Variants in ASRGL1 observed in about 807,000 individuals in gnomAD.
ASRGL1 encodes the protein asparaginase and isoaspartyl peptidase 1, also known as isoaspartyl peptidase/L-asparaginase.
ASRGL1 carries 16 observed loss-of-function variants against 22.4 expected under a neutral mutation model. The observed-to-expected ratio is 0.71, with a 90% CI of 0.48 to 1.08. The LOEUF is 1.08. ASRGL1 is among the 50% of genes least tolerant of loss of function. ASRGL1 has a pLI of 0.00. For synonymous variants in ASRGL1, 165 were observed against 159.3 expected, an observed-to-expected ratio of 1.04 and a Z score of -0.27; for missense variants, 412 against 410.1, an observed-to-expected ratio of 1.00 and a Z score of -0.04.
At chr11:62,350,375 A>G (rs947077248) in intron 2 of ASRGL1, among the ~76,000 whole-genome samples, 1 of 152,194 alleles carries the variant, frequency 6.6e-6, no homozygotes, top group East Asian at 1.9e-4. Context: ...TGGGACTATT[A>G]CAAATAAAGC....
intron 4 of ASRGL1, chr11:62,383,236 T>G (rs2134687540): frequency 6.6e-6 from 1 of 152,300 alleles, no homozygotes; most frequent in South Asian, 2.1e-4. Flanking sequence ...AATTAAAAAC[T>G]TGCTAAAAAC....
intron 2 of ASRGL1, among the ~76,000 whole-genome samples, chr11:62,355,775 G>A (rs1184065617): frequency 4.6e-5 from 7 of 152,068 alleles, no homozygotes; most frequent in Non-Finnish European, 7.4e-5. Context: ...GCGGCCTTCC[G>A]CAGTGTTTGT....
intron 5 of ASRGL1, among the ~76,000 whole-genome samples, chr11:62,391,042 T>C (rs1229295368): frequency 6.6e-6 from 1 of 152,234 alleles, no homozygotes; most frequent in Non-Finnish European, 1.5e-5. Flanking sequence ...GGTCCAATTA[T>C]GCCCACCCTC....
At chr11:62,389,775 G>A (rs189056744) in intron 5 of ASRGL1, 10 of 231,898 alleles carry the variant, frequency 4.3e-5, no homozygotes, top group Non-Finnish European at 8.6e-5. Flanking sequence ...GAGAGGCAGG[G>A]CTGGGGGGCT....
downstream of ASRGL1, among the ~76,000 whole-genome samples, chr11:62,394,188 ATAC>A (rs1486553436): frequency 2.2e-5 from 3 of 135,988 alleles, no homozygotes; most frequent in East Asian, 2.0e-4. Context: ...ATAAATATAT[ATAC>A]TATTATATAT....
At chr11:62,374,959 G>A (rs1211385676) in intron 4 of ASRGL1, among the ~76,000 whole-genome samples, 4 of 152,042 alleles carry the variant, frequency 2.6e-5, no homozygotes, top group African/African-American at 9.7e-5. Flanking sequence ...AACCCTTGAG[G>A]TCTCTCCTTT....
At chr11:62,378,703 A>G (rs1357437068) in intron 4 of ASRGL1, among the ~76,000 whole-genome samples, 2 of 152,144 alleles carry the variant, frequency 1.3e-5, no homozygotes, top group East Asian at 1.9e-4. Flanking sequence ...TTGAATTACA[A>G]ACACAGGAGA....
intron 4 of ASRGL1, among the ~76,000 whole-genome samples, chr11:62,365,979 G>A (rs905443336): frequency 6.6e-6 from 1 of 150,430 alleles, no homozygotes; most frequent in African/African-American, 2.5e-5. Context: ...AACATTCATG[G>A]CTGGGTGTGG....
intron 2 of ASRGL1, among the ~76,000 whole-genome samples, chr11:62,352,445 G>T (rs532135297): frequency 6.6e-6 from 1 of 152,094 alleles, no homozygotes; most frequent in African/African-American, 2.4e-5. Flanking sequence ...AATTAGCCGG[G>T]TATGGTGGCG....
intron 4 of ASRGL1, among the ~76,000 whole-genome samples, chr11:62,363,256 T>C (rs1422638298): frequency 4.0e-5 from 6 of 151,874 alleles, no homozygotes; most frequent in African/African-American, 1.5e-4. Flanking sequence ...TTTAAGTTTA[T>C]AGAAACAAAA....
chr11:62,343,529 A>G (rs1590703092), intron 2 of ASRGL1, among the ~76,000 whole-genome samples: 1 of 151,662 alleles, frequency 6.6e-6, no homozygotes, highest in African/African-American at 2.4e-5. Flanking sequence ...GGGGTTTGAG[A>G]CCAGCCTGGC....
intron 2 of ASRGL1, among the ~76,000 whole-genome samples, chr11:62,345,461 G>A (rs1945993168): frequency 6.6e-6 from 1 of 151,986 alleles, no homozygotes; most frequent in Non-Finnish European, 1.5e-5. Context: ...GGGAGACAAG[G>A]TTTCACCATG....
At chr11:62,346,853 C>T (rs1229025041) in intron 2 of ASRGL1, among the ~76,000 whole-genome samples, 1 of 151,964 alleles carries the variant, frequency 6.6e-6, no homozygotes, top group Non-Finnish European at 1.5e-5. Context: ...GCCTGTAATC[C>T]CAGCTACCTG....
chr11:62,375,430 A>T (rs1165917472), intron 4 of ASRGL1, among the ~76,000 whole-genome samples: 1 of 3,340 alleles, frequency 3.0e-4, no homozygotes, highest in South Asian at 0.011. Context: ...GTCTTACTTT[A>T]TATATATATA....
At chr11:62,382,477 A>G (rs1335501002) in intron 4 of ASRGL1, 2 of 151,864 alleles carry the variant, frequency 1.3e-5, no homozygotes, top group East Asian at 3.9e-4. Flanking sequence ...TGTCGCTAGC[A>G]CCTCTCACCT....
chr11:62,355,571 G>C (rs1037985315), intron 2 of ASRGL1, among the ~76,000 whole-genome samples: 1 of 151,658 alleles, frequency 6.6e-6, no homozygotes, highest in African/African-American at 2.4e-5. Context: ...TGGAATAGAG[G>C]ATGGATTAAA....
intron 4 of ASRGL1, among the ~76,000 whole-genome samples, chr11:62,365,600 A>G (rs900912193): frequency 2.6e-4 from 39 of 152,290 alleles, no homozygotes; most frequent in African/African-American, 8.9e-4. Context: ...CTGTAATCCC[A>G]GCACTTTGGG....
intron 4 of ASRGL1, among the ~76,000 whole-genome samples, chr11:62,373,912 G>A (rs1367112483): frequency 6.6e-6 from 1 of 152,256 alleles, no homozygotes; most frequent in East Asian, 1.9e-4. Context: ...TGGAGCAAAG[G>A]TGGGAACATT....
At chr11:62,398,713 G>A in the ASRGL1 span, among the ~76,000 whole-genome samples, 3 of 152,060 alleles carry the variant, frequency 2.0e-5, no homozygotes, top group Middle Eastern at 3.2e-3. Context: ...ATGTCTCCCC[G>A]GTGACCTCAC....
Sources: allele counts gnomAD v4.1 joint callset (sites outside exome capture counted in the v4.1 genomes callset), GRCh38; gene constraint gnomAD v4.1.1; transcripts MANE v1.5; gene names NCBI Gene and HGNC (gene_info 2026-07-23, HGNC 2026-07-21).